Variants in HEATR5A observed in about 807,000 individuals in gnomAD.
The protein encoded by HEATR5A is HEAT repeat containing 5A, also known as HEAT repeat-containing protein 5A.
HEATR5A carries 178 observed loss-of-function variants against 218.8 expected under a neutral mutation model. The observed-to-expected ratio is 0.81, with a 90% CI of 0.72 to 0.92. The LOEUF (loss-of-function observed/expected upper bound fraction) is 0.92, where lower values mean the gene tolerates loss of function less well. Among genes scored for constraint, HEATR5A ranks in the 40% least tolerant of loss-of-function variants. The pLI is 0.00. For synonymous variants in HEATR5A, 864 were observed against 871.6 expected (o/e 0.99, Z 0.15); for missense variants, 2,420 against 2,418.9 (o/e 1.00, Z -0.01).
At position 31,342,335 on chromosome 14, in the gene HEATR5A, C is replaced by T. The variant is rs562440267; in HGVS notation, c.3228+1561G>A. Among the ~76,000 whole-genome samples the T allele has an allele frequency of 4.1e-4, 63 of 152,190 alleles. 1 individual carries two copies. The highest frequency in any genetic ancestry group is 1.4e-3 in the African/African-American group (57 of 41,540). On this transcript the variant is annotated intron_variant, in intron 21 of 35. Coordinates refer to ENST00000543095, the MANE Select transcript of HEATR5A (RefSeq NM_015473.4). Reference sequence around the variant, plus strand: ...CCCAGGAGTTCGAGGCTACTGTGAGCTATGATTGCACCACCGCACTCCAGC... The same window carrying T: ...CCCAGGAGTTCGAGGCTACTGTGAGTTATGATTGCACCACCGCACTCCAGC...
At chr14:31,348,018 A>G (rs1159789910) in intron 18 of HEATR5A, 111 bp from the exon 19 acceptor site, 1 of 553,286 alleles carries the variant, frequency 1.8e-6, no homozygotes, top group African/African-American at 1.9e-5. Context: ...GGATAGTTGC[A>G]AAATTTAGAA....
chr14:31,374,579 C>T (rs1220894678), intron 12 of HEATR5A, among the ~76,000 whole-genome samples: 1 of 152,118 alleles, frequency 6.6e-6, no homozygotes, highest in Non-Finnish European at 1.5e-5. Context: ...GCAGTTTTAA[C>T]TGGATTGGAC....
intron 19 of HEATR5A, 75 bp from the exon 20 acceptor site, chr14:31,345,351 T>G: frequency 8.5e-7 from 1 of 1,179,266 alleles, no homozygotes. Flanking sequence ...ACTTGTTCTT[T>G]TGTTGAAGCA....
intron 29 of HEATR5A, 66 bp from the exon 30 acceptor site, chr14:31,308,086 A>C: frequency 7.0e-7 from 1 of 1,422,536 alleles, no homozygotes; most frequent in Non-Finnish European, 9.5e-7. Flanking sequence ...TTAAGTAATT[A>C]ATCTTATATT....
chr14:31,400,377 C>A lies in HEATR5A; in HGVS notation c.262G>T (p.Val88Phe), dbSNP rs559029328. ...TTACATTTATCGATTGCTTCATGAA[C>A]GGAGAATGTGTCTCCAATACTATAA... ...ILYSIGDTFS[V>F]HEAIDKCNDL... Residue 88 changes from valine (V) to phenylalanine (F), a missense_variant, in exon 3 of 36, where the codon GTT becomes TTT. Val to Phe is a conservative substitution (Grantham distance 50). Transcript: ENST00000543095. The A allele has an allele frequency of 5.9e-6, 9 of 1,535,662 alleles. No individual in the cohort carries two copies. Among genetic ancestry groups the A allele is most frequent in the South Asian group, 1.2e-5 (1 of 84,050 alleles).
At chr14:31,296,153 G>A in intron 33 of HEATR5A, 90 bp from the exon 34 acceptor site, 2 of 1,043,302 alleles carry the variant, frequency 1.9e-6, no homozygotes, top group Non-Finnish European at 2.8e-6. Flanking sequence ...TAACAGTTTG[G>A]TGTACACAAC....
intron 14 of HEATR5A, among the ~76,000 whole-genome samples, chr14:31,359,729 CAAAAAAAA>C (rs376157768): frequency 5.0e-4 from 16 of 32,202 alleles, no homozygotes; most frequent in African/African-American, 1.0e-3. Context: ...CATCTCAAGA[CAAAAAAAA>C]AAAAAAAAAA....
At chr14:31,352,245 A>T (rs1017908879) in intron 16 of HEATR5A, among the ~76,000 whole-genome samples, 2 of 152,126 alleles carry the variant, frequency 1.3e-5, no homozygotes, top group African/African-American at 4.8e-5. Context: ...TTCAGTTGTA[A>T]ATTATCTTGA....
chr14:31,294,578 T>G (rs893359832), intron 34 of HEATR5A, among the ~76,000 whole-genome samples: 1 of 151,824 alleles, frequency 6.6e-6, no homozygotes, highest in Non-Finnish European at 1.5e-5. Context: ...CCCAGCTAAT[T>G]TTTTGTATTT....
At chr14:31,306,556 T>C (rs558525688) in intron 31 of HEATR5A, among the ~76,000 whole-genome samples, 176 bp downstream of exon 31, 1 of 152,290 alleles carries the variant, frequency 6.6e-6, no homozygotes, top group African/African-American at 2.4e-5. Context: ...TATAGTTCAT[T>C]ACTAGGGAAG....
chr14:31,353,735 C>A (rs115743269), intron 16 of HEATR5A, among the ~76,000 whole-genome samples: 1 of 150,740 alleles, frequency 6.6e-6, no homozygotes. Context: ...GACGCTGCCT[C>A]AAAAAAAAAT....
intron 1 of HEATR5A, among the ~76,000 whole-genome samples, chr14:31,407,394 A>T (rs2031107139): frequency 6.6e-6 from 1 of 152,112 alleles, no homozygotes; most frequent in Non-Finnish European, 1.5e-5. Flanking sequence ...ATTAAGACAA[A>T]GTTAGGGATT....
intron 1 of HEATR5A, among the ~76,000 whole-genome samples, chr14:31,418,354 C>G (rs544740703): frequency 6.6e-6 from 1 of 152,192 alleles, no homozygotes; most frequent in Non-Finnish European, 1.5e-5. Flanking sequence ...AGACAATACT[C>G]TAGGCTTTGG....
chr14:31,339,826 C>T (rs988969631), intron 21 of HEATR5A, among the ~76,000 whole-genome samples: 6 of 151,678 alleles, frequency 4.0e-5, no homozygotes, highest in Admixed American at 3.9e-4. Context: ...TTTACTCATC[C>T]CCAAGATTAC....
intron 1 of HEATR5A, among the ~76,000 whole-genome samples, chr14:31,410,829 G>A (rs1487572258): frequency 1.3e-5 from 2 of 152,090 alleles, no homozygotes; most frequent in African/African-American, 4.8e-5. Context: ...ACTTGCCTCA[G>A]AAAACAGCAG....
Position 31,417,094 on chromosome 14 carries a change from C to T in HEATR5A, c.-75+3378G>A, listed in dbSNP as rs369225876. On this transcript the variant is annotated intron_variant, in intron 1 of 35. Coordinates refer to ENST00000543095, the MANE Select transcript of HEATR5A (RefSeq NM_015473.4). The stretch of plus-strand genomic sequence containing the variant: ...AAACAAATAAATAAAACAAAAAAAA[C>T]CCTGCTTTGAGTAAAGGTACCTTAC... Among the ~76,000 whole-genome samples, 18 of 151,908 alleles carry T rather than the reference C, an allele frequency of 1.2e-4. No individual in the cohort carries two copies. In the East Asian group the frequency reaches 3.1e-3, roughly 26 times the overall value.
intron 13 of HEATR5A, among the ~76,000 whole-genome samples, chr14:31,368,038 G>A (rs1170727022): frequency 1.3e-5 from 2 of 152,112 alleles, no homozygotes; most frequent in Admixed American, 6.5e-5. Context: ...CAAAATTCAT[G>A]TATTAGAAAC....
intron 13 of HEATR5A, among the ~76,000 whole-genome samples, chr14:31,366,567 C>T (rs898870566): frequency 2.6e-5 from 4 of 152,022 alleles, no homozygotes; most frequent in Non-Finnish European, 5.9e-5. Flanking sequence ...TTGGTTTCTG[C>T]GTTCATTAGG....
At chr14:31,334,328 A>G in intron 22 of HEATR5A, 2 of 415,872 alleles carry the variant, frequency 4.8e-6, no homozygotes, top group Admixed American at 6.1e-5. Flanking sequence ...TAAAAAATAC[A>G]TTTTATAAGG....
Sources: gnomAD v4.1 joint callset for allele counts (sites outside exome capture counted in the v4.1 genomes callset) on GRCh38, gnomAD v4.1.1 for gene constraint, MANE v1.5 for transcripts, NCBI Gene and HGNC (gene_info 2026-07-23, HGNC 2026-07-21) for gene names.